PRKG1: variants seen among roughly 807,000 people sequenced by gnomAD.
PRKG1 encodes protein kinase cGMP-dependent 1.
A neutral mutation model predicts 88.1 loss-of-function variants in PRKG1; 35 were observed. That is an observed-to-expected ratio of 0.40 (90% CI 0.30 to 0.53). The LOEUF is 0.53. Among genes scored for constraint, PRKG1 ranks in the 20% least tolerant of loss-of-function variants. The pLI is 0.59. For synonymous variants in PRKG1, 303 were observed against 292.5 expected (o/e 1.04, Z -0.37); for missense variants, 540 against 839.8 (o/e 0.64, Z 4.41).
chr10:51,790,589 C>A (rs971024610), intron 3 of PRKG1, among the ~76,000 whole-genome samples: 4 of 152,094 alleles, frequency 2.6e-5, no homozygotes, highest in South Asian at 4.1e-4. Context: ...TCCTTTATTT[C>A]TTTTGAATCC....
intron 1 of PRKG1, among the ~76,000 whole-genome samples, chr10:51,122,995 C>G (rs1282600334): frequency 6.6e-6 from 1 of 152,150 alleles, no homozygotes; most frequent in African/African-American, 2.4e-5. Flanking sequence ...GTAGGACAAA[C>G]TTCTGCTTCC....
intron 8 of PRKG1, among the ~76,000 whole-genome samples, chr10:52,153,304 A>C (rs1284744439): frequency 6.6e-6 from 1 of 152,236 alleles, no homozygotes; most frequent in East Asian, 1.9e-4. Context: ...AAAATATTAG[A>C]ACAAACATAA....
intron 9 of PRKG1, among the ~76,000 whole-genome samples, chr10:52,213,154 A>T (rs1325910182): frequency 6.6e-6 from 1 of 152,160 alleles, no homozygotes; most frequent in Non-Finnish European, 1.5e-5. Flanking sequence ...TCCTGGCCTT[A>T]AAACTTAAAA....
intron 3 of PRKG1, among the ~76,000 whole-genome samples, chr10:51,567,744 G>T (rs759301117): frequency 6.6e-6 from 1 of 151,886 alleles, no homozygotes; most frequent in African/African-American, 2.4e-5. Flanking sequence ...GCACCACCAC[G>T]CCCAGCTAAT....
chr10:51,698,273 T>G (rs111331961), intron 3 of PRKG1: 12 of 1,613,926 alleles, frequency 7.4e-6, no homozygotes, highest in Non-Finnish European at 9.3e-6. Context: ...CTCTAAGACC[T>G]CAGTTTCCAT....
chr10:52,134,395 T>C (rs1195925363), intron 8 of PRKG1, among the ~76,000 whole-genome samples: 2 of 152,158 alleles, frequency 1.3e-5, no homozygotes, highest in Admixed American at 1.3e-4. Context: ...TTTGAAGAAA[T>C]AATCAGTTCT....
intron 12 of PRKG1, among the ~76,000 whole-genome samples, chr10:52,278,568 A>C (rs566555520): frequency 9.8e-4 from 149 of 152,294 alleles, no homozygotes; most frequent in African/African-American, 3.5e-3. Context: ...CCAAATGCCC[A>C]CAATGACAGA....
intron 5 of PRKG1, among the ~76,000 whole-genome samples, chr10:51,951,238 C>T (rs1843177026): frequency 6.6e-6 from 1 of 152,060 alleles, no homozygotes; most frequent in Admixed American, 6.5e-5. Context: ...CATTTGGCTG[C>T]CTCCTGTTGC....
chr10:51,362,559 A>G (rs886129630), intron 2 of PRKG1, among the ~76,000 whole-genome samples: 2 of 151,954 alleles, frequency 1.3e-5, no homozygotes, highest in African/African-American at 4.8e-5. Flanking sequence ...TAATACTAAC[A>G]CCTAGCATTA....
Position 52,297,639 on chromosome 10 carries a change from G to A in PRKG1, c.*3739G>A, listed in dbSNP as rs1842408854. 6.6e-6 allele frequency: 1 copy of A among 152,152 alleles called. No homozygotes were observed. Among genetic ancestry groups the A allele is most frequent in the African/African-American group, 2.4e-5 (1 of 41,444 alleles). 9.4% of individuals were successfully genotyped at this position (152,152 alleles called of 1,614,324 possible). ...GTATGTGCAGGTCAAATTAATATATGACATTCTATCAGTCTGTATACAGGT... is the reference window on the plus strand; with the variant it reads ...GTATGTGCAGGTCAAATTAATATATAACATTCTATCAGTCTGTATACAGGT... On this transcript the variant is annotated 3_prime_UTR_variant, in exon 18 of 18. Coordinates refer to ENST00000373980, the MANE Select transcript of PRKG1 (RefSeq NM_006258.4).
At chr10:52,157,333 A>ATATATATATG (rs1838148471) in intron 8 of PRKG1, among the ~76,000 whole-genome samples, 1 of 119,840 alleles carries the variant, frequency 8.3e-6, no homozygotes, top group Non-Finnish European at 1.7e-5. Context: ...ATATATATAT[A>ATATATATATG]TATATGTATA....
At chr10:51,055,085 A>C (rs562550975) in intron 1 of PRKG1, among the ~76,000 whole-genome samples, 22 of 152,252 alleles carry the variant, frequency 1.4e-4, no homozygotes, top group Admixed American at 1.3e-3. Context: ...TATAATACAC[A>C]CACTTCCCAA....
chr10:51,278,681 G>A (rs1840203151), intron 2 of PRKG1, among the ~76,000 whole-genome samples: 2 of 152,088 alleles, frequency 1.3e-5, no homozygotes, highest in South Asian at 4.2e-4. Context: ...TTTAGTCTTG[G>A]GAGGGTGTAT....
At chr10:51,324,303 A>T (rs886969319) in intron 2 of PRKG1, among the ~76,000 whole-genome samples, 3 of 152,018 alleles carry the variant, frequency 2.0e-5, no homozygotes, top group African/African-American at 7.3e-5. Context: ...TTCAACCAAC[A>T]TGAGATCCAC....
chr10:51,906,322 C>T (rs1348662475), intron 4 of PRKG1, among the ~76,000 whole-genome samples: 1 of 152,136 alleles, frequency 6.6e-6, no homozygotes, highest in African/African-American at 2.4e-5. Context: ...GAGATTCATT[C>T]TGAGCCAAAT....
At chr10:51,821,327 C>G (rs10999634) in intron 4 of PRKG1, among the ~76,000 whole-genome samples, 31,800 of 151,850 alleles carry the variant, frequency 0.21, 5,350 homozygotes, top group African/African-American at 0.47. Flanking sequence ...GCATGTTTTT[C>G]GTGAGCGTCT....
intron 5 of PRKG1, among the ~76,000 whole-genome samples, chr10:51,959,836 G>C (rs1843402337): frequency 1.3e-5 from 2 of 152,012 alleles, no homozygotes. Context: ...GAAGATAATT[G>C]AATCTTGTGT....
At chr10:51,375,901 T>A (rs977378851) in intron 2 of PRKG1, among the ~76,000 whole-genome samples, 4 of 152,218 alleles carry the variant, frequency 2.6e-5, no homozygotes, top group Admixed American at 2.6e-4. Context: ...AAGAACCACA[T>A]GAAAGCTTGC....
At chr10:51,685,241 G>A (rs1840958117) in intron 3 of PRKG1, among the ~76,000 whole-genome samples, 1 of 152,120 alleles carries the variant, frequency 6.6e-6, no homozygotes, top group South Asian at 2.1e-4. Flanking sequence ...AGACAAACTT[G>A]GATTCAATGG....
Sources: gnomAD v4.1 joint callset for allele counts (sites outside exome capture counted in the v4.1 genomes callset) on GRCh38, gnomAD v4.1.1 for gene constraint, MANE v1.5 for transcripts, NCBI Gene and HGNC (gene_info 2026-07-23, HGNC 2026-07-21) for gene names.